The following DBNDD1 variants were observed in gnomAD, a reference collection of about 807,000 sequenced individuals.
DBNDD1 encodes dysbindin domain containing 1, also known as dysbindin domain-containing protein 1.
In DBNDD1, 14 loss-of-function variants were observed where a neutral mutation model predicts 17.0. That is an observed-to-expected ratio of 0.82 (90% CI 0.54 to 1.29). The LOEUF is 1.29. Among genes scored for constraint, DBNDD1 ranks in the 50% most tolerant of loss-of-function variants. The probability of loss-of-function intolerance (pLI) is 0.00; values close to 1 mark genes in which losing one functional copy is unlikely to be tolerated. For missense variants in DBNDD1, 221 were observed against 216.2 expected, an observed-to-expected ratio of 1.02 and a Z score of -0.14; for synonymous variants, 105 against 102.0, an observed-to-expected ratio of 1.03 and a Z score of -0.18.
At position 90,013,280 on chromosome 16, in the gene DBNDD1, A is replaced by AAAAAAAAAAAAAAAAAAAAAAAAAAC. The variant is rs2035588220; in HGVS notation, c.32-3851_32-3850insGTTTTTTTTTTTTTTTTTTTTTTTTT. Among the ~76,000 whole-genome samples the AAAAAAAAAAAAAAAAAAAAAAAAAAC allele has an allele frequency of 1.3e-5, 2 of 149,788 alleles. 1 individual carries two copies. The highest frequency in any genetic ancestry group is 3.0e-5 in the Non-Finnish European group (2 of 67,472). ...CTTGCCTTAAAAAAAAAAAAAAAAA[A>AAAAAAAAAAAAAAAAAAAAAAAAAAC]AAAGACAGTGGCTTATGGTTTTCTA... On this transcript the variant is annotated intron_variant, in intron 1 of 3. Transcript: ENST00000002501.
chr16:90,014,803 G>A lies in DBNDD1; in HGVS notation c.31+4508C>T, dbSNP rs571536062. On this transcript the variant is annotated intron_variant, in intron 1 of 3. Coordinates refer to ENST00000002501, the MANE Select transcript of DBNDD1 (RefSeq NM_001042610.3). ...GCGGATCACTTGAGGCCAGGAGTTC[G>A]AGACCAGTCTGGGCCAACATGGCGA... Among the ~76,000 whole-genome samples, 8 of 152,120 alleles carry A rather than the reference G, an allele frequency of 5.3e-5. No homozygotes were observed. The East Asian group carries it at 1.6e-3, about 30-fold the overall frequency.
At chr16:90,014,989 A>T (rs1424995461) in intron 1 of DBNDD1, among the ~76,000 whole-genome samples, 2 of 151,178 alleles carry the variant, frequency 1.3e-5, no homozygotes, top group Admixed American at 1.3e-4. Flanking sequence ...TGGGCGACAG[A>T]ACGAGACTCT....
Position 90,006,237 on chromosome 16 carries a change from C to T in DBNDD1, c.*98G>A, listed in dbSNP as rs900683056. ...TGTCAGGAGGTGACGGCTGGAGCCTCGTGGGCGGGTGAAGTGTGTCTGCTG... is the reference window on the plus strand; with the variant it reads ...TGTCAGGAGGTGACGGCTGGAGCCTTGTGGGCGGGTGAAGTGTGTCTGCTG... On this transcript the variant is annotated 3_prime_UTR_variant, in exon 4 of 4. Transcript: ENST00000002501. 1.3e-5 allele frequency: 19 copies of T among 1,448,196 alleles called. No homozygotes were observed. Among genetic ancestry groups the T allele is most frequent in the South Asian group, 4.1e-5 (3 of 73,982 alleles). 89.7% of individuals were successfully genotyped at this position (1,448,196 alleles called of 1,614,324 possible). A position where few individuals can be genotyped will look rare whatever the true frequency, so the allele number is the denominator to read the frequency against.
At chr16:90,016,741 A>G (rs1160003748) in intron 1 of DBNDD1, among the ~76,000 whole-genome samples, 4 of 152,156 alleles carry the variant, frequency 2.6e-5, no homozygotes, top group Non-Finnish European at 5.9e-5. Context: ...TCGACTGGGA[A>G]ACTTGGCCCA....
Position 90,009,449 on chromosome 16 carries a change from T to A in DBNDD1, c.32-19A>T. On this transcript the variant is annotated intron_variant, in intron 1 of 3. Transcript: ENST00000002501. ...ACGATCTCTGCATCCAAAGACACAG[T>A]GTCACCTTGAGATCCACAGGGCTCC... 1 of 1,607,544 alleles carries A rather than the reference T, an allele frequency of 6.2e-7. No homozygotes were observed. Among genetic ancestry groups the A allele is most frequent in the Non-Finnish European group, 8.5e-7 (1 of 1,179,790 alleles).
At chr16:90,019,766 C>T (rs778843797), upstream of DBNDD1, 129 of 689,862 alleles carry the variant, frequency 1.9e-4, 1 homozygote, top group Non-Finnish European at 2.4e-4. The surrounding 1 kb of genome is among the most constrained non-coding windows in gnomAD (Gnocchi z 6.1). Context: ...TGTTCTCTTC[C>T]AGGTACTTGC....
At chr16:90,007,930 CCCAA>C (rs1567832290) in intron 3 of DBNDD1, among the ~76,000 whole-genome samples, 8 of 144,480 alleles carry the variant, frequency 5.5e-5, no homozygotes, top group Admixed American at 3.5e-4. Context: ...GGCCTCACCC[CCCAA>C]ACACACCTCC....
In DBNDD1 at chr16:90,011,130, T is replaced by A. The variant is rs370227940; in HGVS notation, c.32-1700A>T. Among the ~76,000 whole-genome samples, 29 of 152,136 alleles carry A rather than the reference T, an allele frequency of 1.9e-4. No individual in the cohort carries two copies. In the East Asian group the frequency reaches 2.5e-3, roughly 13 times the overall value. On this transcript the variant is annotated intron_variant, in intron 1 of 3. Transcript: ENST00000002501. ...GCAGCACCCTGAGGACCCTGTGGGG[T>A]ATTTTTGGCAGCCCCCAGCGGTGAG...
intron 1 of DBNDD1, among the ~76,000 whole-genome samples, chr16:90,017,914 C>T (rs1478348723): frequency 2.6e-5 from 4 of 152,252 alleles, no homozygotes; most frequent in African/African-American, 9.6e-5. Flanking sequence ...AGTCAGGTGT[C>T]TGAAGCCCCC....
intron 1 of DBNDD1, among the ~76,000 whole-genome samples, chr16:90,013,925 T>A (rs1399231711): frequency 9.3e-5 from 1 of 10,728 alleles, no homozygotes; most frequent in Non-Finnish European, 1.6e-4. Flanking sequence ...TGATACTGGG[T>A]GGGGCGGGGG....
At chr16:90,009,235 G>A (rs1436962429) in intron 2 of DBNDD1, 49 bp downstream of exon 2, 1 of 1,604,524 alleles carries the variant, frequency 6.2e-7, no homozygotes, top group African/African-American at 1.3e-5. Flanking sequence ...TCTCTTGGGG[G>A]AGCTCACGGG....
Position 90,009,362 on chromosome 16 carries a change from C to T in DBNDD1, c.100G>A (p.Gly34Ser), listed in dbSNP as rs1291685605. 4 of 1,613,490 alleles carry T rather than the reference C, an allele frequency of 2.5e-6. No homozygotes were observed. The highest frequency in any genetic ancestry group is 3.4e-6 in the Non-Finnish European group (4 of 1,180,012). ...ACCTCCTCCTCCACAGGCGTGTGGC[C>T]ATTGTCCCCTGTCCCCTGGGCTGGG... Reference protein sequence around the residue: ...GVPAQGTGDNGHTPVEEEVGG... With the variant: ...GVPAQGTGDNSHTPVEEEVGG... Residue 34 changes from glycine to serine, a missense_variant, in exon 2 of 4, where the codon GGC becomes AGC. By Grantham distance (56) the Gly-to-Ser change is moderately conservative (BLOSUM62 0). Coordinates refer to ENST00000002501, the MANE Select transcript of DBNDD1 (RefSeq NM_001042610.3).
rs767844457 is a variant in DBNDD1, at chr16:90,009,528, T to G, written c.32-98A>C. On this transcript the variant is annotated intron_variant, in intron 1 of 3. Transcript: ENST00000002501. ...GTGAGGACTTGGCACATCCAGTCCT[T>G]TGAAACTCTGGGCAGTGACCAGCAG... 10 of 1,544,430 alleles carry G rather than the reference T, an allele frequency of 6.5e-6. No individual in the cohort carries two copies. In the South Asian group the frequency reaches 1.2e-4, roughly 18 times the overall value.
intron 1 of DBNDD1, among the ~76,000 whole-genome samples, chr16:90,015,261 G>A (rs1426150607): frequency 6.6e-6 from 1 of 152,150 alleles, no homozygotes; most frequent in Non-Finnish European, 1.5e-5. Flanking sequence ...GAATTTTTTG[G>A]CCAGAAGAAT....
chr16:90,008,112 C>T (rs539179037), intron 3 of DBNDD1, among the ~76,000 whole-genome samples: 2 of 126,104 alleles, frequency 1.6e-5, no homozygotes, highest in African/African-American at 2.9e-5. Flanking sequence ...CCTCCCAGGA[C>T]GTCCCAAGGG....
At chr16:90,018,462 GTGCCCTC>G (rs2035686683) in intron 1 of DBNDD1, among the ~76,000 whole-genome samples, 1 of 152,214 alleles carries the variant, frequency 6.6e-6, no homozygotes, top group Admixed American at 6.5e-5. Flanking sequence ...TGGCCTGCCT[GTGCCCTC>G]AGGCACCTGC....
intron 1 of DBNDD1, among the ~76,000 whole-genome samples, chr16:90,017,519 C>A (rs908442131): frequency 1.3e-5 from 2 of 152,004 alleles, no homozygotes; most frequent in African/African-American, 4.8e-5. Flanking sequence ...TCATATTTTA[C>A]AGATATTTCT....
chr16:90,006,470 G>A lies in DBNDD1; in HGVS notation c.342C>T (p.Ala114=), dbSNP rs774097699. Residue 114 remains alanine, a synonymous_variant, in exon 4 of 4, where the codon GCC becomes GCT. Coordinates refer to ENST00000002501, the MANE Select transcript of DBNDD1 (RefSeq NM_001042610.3). ...TCCAGGAAGGGGAGCGCAGGTAGCC[G>A]GCCCGGGGCAGCGGGTGCAGACCTA... The part of the protein sequence containing the change: ...SPAGLHPLPR[A]GYLRSPSWTR... The A allele has an allele frequency of 6.9e-6, 11 of 1,599,300 alleles. No individual in the cohort carries two copies. Among genetic ancestry groups the A allele is most frequent in the South Asian group, 2.2e-5 (2 of 91,014 alleles).
intron 3 of DBNDD1, among the ~76,000 whole-genome samples, chr16:90,008,014 A>C (rs2035466182): frequency 4.5e-5 from 5 of 110,760 alleles, no homozygotes; most frequent in African/African-American, 6.5e-5. Flanking sequence ...TCACCCCCCA[A>C]ACACACCTCC....
Sources: gnomAD v4.1 joint callset for allele counts (sites outside exome capture counted in the v4.1 genomes callset) on GRCh38, gnomAD v4.1.1 for gene constraint, Gnocchi (gnomAD v3.1) non-coding constraint, MANE v1.5 for transcripts, NCBI Gene and HGNC (gene_info 2026-07-23, HGNC 2026-07-21) for gene names.